Variants in SPAG16 observed in about 807,000 individuals in gnomAD.
SPAG16 encodes the protein sperm associated antigen 16.
A neutral mutation model predicts 80.4 loss-of-function variants in SPAG16; 86 were observed. That is an observed-to-expected ratio of 1.07 (90% confidence interval 0.90 to 1.28). The LOEUF is 1.28. Among genes scored for constraint, SPAG16 ranks in the 50% most tolerant of loss-of-function variants. The pLI is 0.00. For missense variants in SPAG16, 870 were observed against 765.3 expected (o/e 1.14, Z -1.61); for synonymous variants, 294 against 265.9 (o/e 1.11, Z -1.03).
chr2:213,460,707 G>A (rs2072310928), intron 9 of SPAG16, among the ~76,000 whole-genome samples: 1 of 152,066 alleles, frequency 6.6e-6, no homozygotes, highest in Non-Finnish European at 1.5e-5. Context: ...CTCTTTGAAA[G>A]GTATTACTAA....
intron 15 of SPAG16, among the ~76,000 whole-genome samples, chr2:214,383,242 G>A (rs961426062): frequency 6.6e-6 from 1 of 152,058 alleles, no homozygotes; most frequent in Non-Finnish European, 1.5e-5. Context: ...GGGGTCCTAA[G>A]CATAGTCTAA....
chr2:214,291,453 C>T (rs1240442962), intron 15 of SPAG16, among the ~76,000 whole-genome samples: 1 of 150,472 alleles, frequency 6.6e-6, no homozygotes, highest in Admixed American at 6.6e-5. Flanking sequence ...CTACAGGCGC[C>T]CGCCACTACG....
intron 5 of SPAG16, chr2:213,317,762 C>G (rs2063461039): frequency 1.0e-6 from 1 of 982,916 alleles, no homozygotes; most frequent in African/African-American, 1.8e-5. Context: ...TGAAAATTCT[C>G]CAGAAGGAAT....
chr2:213,631,658 G>A (rs1310997997), intron 10 of SPAG16, among the ~76,000 whole-genome samples: 5 of 152,104 alleles, frequency 3.3e-5, no homozygotes, highest in Non-Finnish European at 7.4e-5. Context: ...TTTGATTTTT[G>A]TATATGGTGA....
intron 10 of SPAG16, among the ~76,000 whole-genome samples, chr2:213,544,702 C>A (rs1369909610): frequency 6.6e-6 from 1 of 152,024 alleles, no homozygotes; most frequent in Non-Finnish European, 1.5e-5. Context: ...GTACCCCTGG[C>A]AAACACTGAT....
intron 12 of SPAG16, among the ~76,000 whole-genome samples, chr2:213,931,448 C>G (rs2078747913): frequency 6.6e-6 from 1 of 152,046 alleles, no homozygotes; most frequent in South Asian, 2.1e-4. Context: ...TAATGTGTGA[C>G]TGGATTTCAT....
intron 15 of SPAG16, among the ~76,000 whole-genome samples, chr2:214,274,291 T>C (rs1185074754): frequency 6.6e-6 from 1 of 152,196 alleles, no homozygotes; most frequent in Non-Finnish European, 1.5e-5. Flanking sequence ...TTTATTTCTT[T>C]CTCCTGCCTG....
chr2:214,025,633 C>A (rs1575866873), intron 13 of SPAG16, among the ~76,000 whole-genome samples: 1 of 151,578 alleles, frequency 6.6e-6, no homozygotes, highest in East Asian at 1.9e-4. Context: ...CTATTGTGAT[C>A]CGTGTAAGGT....
chr2:214,099,918 A>G (rs963309998), intron 13 of SPAG16, among the ~76,000 whole-genome samples: 1 of 152,032 alleles, frequency 6.6e-6, no homozygotes, highest in Non-Finnish European at 1.5e-5. Context: ...AGCCCCTAAG[A>G]TTTATGCATT....
At chr2:214,146,035 AT>A (rs1327562276) in intron 14 of SPAG16, among the ~76,000 whole-genome samples, 1 of 152,174 alleles carries the variant, frequency 6.6e-6, no homozygotes, top group Non-Finnish European at 1.5e-5. Flanking sequence ...CCAGAATTGC[AT>A]TTTAGAGATT....
At chr2:213,490,242 TA>T (rs1184850814) in intron 10 of SPAG16, 152 bp downstream of exon 10, 2 of 692,756 alleles carry the variant, frequency 2.9e-6, no homozygotes, top group Non-Finnish European at 4.5e-6. Flanking sequence ...ATAGTAGCTG[TA>T]AGAATCTTAA....
At chr2:214,118,490 A>G (rs541740594) in intron 14 of SPAG16, among the ~76,000 whole-genome samples, 19 of 152,284 alleles carry the variant, frequency 1.2e-4, no homozygotes, top group Admixed American at 9.8e-4. Flanking sequence ...ACAGTTCCAC[A>G]TCGTTGGGGA....
At chr2:214,108,480 C>CACCCCCACACA (rs56781283) in intron 14 of SPAG16, among the ~76,000 whole-genome samples, 1 of 52,500 alleles carries the variant, frequency 1.9e-5, no homozygotes, top group African/African-American at 4.7e-5. Flanking sequence ...CACACACACA[C>CACCCCCACACA]CCCCACACAC....
At chr2:213,447,447 C>T (rs1032882514) in intron 9 of SPAG16, among the ~76,000 whole-genome samples, 2 of 152,202 alleles carry the variant, frequency 1.3e-5, no homozygotes, top group African/African-American at 4.8e-5. Flanking sequence ...GATTCTGAAC[C>T]CCATGATAAA....
chr2:213,872,774 C>T (rs1297284017), intron 11 of SPAG16, among the ~76,000 whole-genome samples: 2 of 151,922 alleles, frequency 1.3e-5, no homozygotes, highest in African/African-American at 4.8e-5. Context: ...TATTTCTAGT[C>T]GAATATGTTG....
At chr2:213,393,778 G>GT (rs1217211473) in intron 9 of SPAG16, among the ~76,000 whole-genome samples, 1 of 151,872 alleles carries the variant, frequency 6.6e-6, no homozygotes, top group Non-Finnish European at 1.5e-5. Flanking sequence ...TATTGCCAGG[G>GT]TTTTTTATTT....
intron 10 of SPAG16, among the ~76,000 whole-genome samples, chr2:213,769,309 A>C (rs553166441): frequency 1.6e-4 from 25 of 152,306 alleles, no homozygotes; most frequent in African/African-American, 5.8e-4. Flanking sequence ...AGTATAGTGA[A>C]AATTTCCATA....
chr2:213,483,164 A>G (rs2125703376), intron 9 of SPAG16, among the ~76,000 whole-genome samples: 1 of 152,276 alleles, frequency 6.6e-6, no homozygotes, highest in Non-Finnish European at 1.5e-5. Context: ...ATCTGGATGC[A>G]TGGCATTCTA....
intron 10 of SPAG16, among the ~76,000 whole-genome samples, chr2:213,771,809 G>T (rs2069265689): frequency 6.6e-6 from 1 of 152,036 alleles, no homozygotes; most frequent in Non-Finnish European, 1.5e-5. Flanking sequence ...TTTGAATTAT[G>T]TGTCAGTTTT....
Sources: gnomAD v4.1 joint callset for allele counts (sites outside exome capture counted in the v4.1 genomes callset) on GRCh38, gnomAD v4.1.1 for gene constraint, MANE v1.5 for transcripts, NCBI Gene and HGNC (gene_info 2026-07-23, HGNC 2026-07-21) for gene names.